FHIT: variants seen among roughly 807,000 people sequenced by gnomAD.
The protein encoded by FHIT is fragile histidine triad diadenosine triphosphatase.
In FHIT, 19 loss-of-function variants were observed where a neutral mutation model predicts 17.9. The ratio of observed to expected loss-of-function variants is 1.06; its 90% CI spans 0.74 to 1.56. The LOEUF is 1.56. Ranked by LOEUF, FHIT falls within the 40% of genes most tolerant of loss-of-function variation. The probability of loss-of-function intolerance (pLI) is 0.00; values close to 1 mark genes in which losing one functional copy is unlikely to be tolerated. For missense variants in FHIT, 248 were observed against 189.2 expected, an observed-to-expected ratio of 1.31 and a Z score of -1.82; for synonymous variants, 81 against 69.7, an observed-to-expected ratio of 1.16 and a Z score of -0.81.
rs563902357 is a variant in FHIT, at chr3:60,091,222, CTT to C, written c.104-77072_104-77071del. The stretch of plus-strand genomic sequence containing the variant: ...ACAGTTTTATTCTTAAGAGCTCACT[CTT>C]TCTGAACTCTCCTAAAGCCCATCCA... On this transcript the variant is annotated intron_variant, in intron 5 of 9. Coordinates refer to ENST00000492590, the MANE Select transcript of FHIT (RefSeq NM_002012.4). 1.3e-4 allele frequency among the ~76,000 whole-genome samples: 20 copies of C among 152,326 alleles called. No homozygotes were observed. In the South Asian group the frequency reaches 2.7e-3, roughly 21 times the overall value.
At chr3:60,372,121 T>C (rs916295241) in intron 5 of FHIT, among the ~76,000 whole-genome samples, 2 of 152,290 alleles carry the variant, frequency 1.3e-5, no homozygotes, top group African/African-American at 4.8e-5. Context: ...TTTACCCAAA[T>C]GGTCTCTGAA....
At chr3:60,310,803 T>C (rs79674623) in intron 5 of FHIT, among the ~76,000 whole-genome samples, 1,861 of 152,292 alleles carry the variant, frequency 0.012, 39 homozygotes, top group African/African-American at 0.042. Flanking sequence ...AAGAATTAGA[T>C]GAGTACAGGG....
chr3:61,003,038 G>A (rs996146388), intron 3 of FHIT, among the ~76,000 whole-genome samples: 4 of 152,182 alleles, frequency 2.6e-5, no homozygotes, highest in South Asian at 2.1e-4. Flanking sequence ...GTTGTAGTTC[G>A]TGCCTATCAA....
intron 2 of FHIT, among the ~76,000 whole-genome samples, chr3:61,078,436 T>C (rs918234788): frequency 3.9e-5 from 6 of 152,226 alleles, no homozygotes; most frequent in East Asian, 1.9e-4. Context: ...AGGGGGGCCT[T>C]ACCCATTCTC....
chr3:60,832,159 A>G (rs1348733029), intron 3 of FHIT, among the ~76,000 whole-genome samples: 1 of 152,108 alleles, frequency 6.6e-6, no homozygotes, highest in Admixed American at 6.5e-5. Context: ...AAAGTATGCA[A>G]TCTTCACAAT....
intron 5 of FHIT, among the ~76,000 whole-genome samples, chr3:60,178,282 A>G (rs1286753484): frequency 6.6e-6 from 1 of 152,096 alleles, no homozygotes; most frequent in Non-Finnish European, 1.5e-5. Flanking sequence ...GAAAACTATC[A>G]TTATTATAAA....
chr3:59,762,599 T>C (rs1481988614), intron 8 of FHIT, among the ~76,000 whole-genome samples: 1 of 152,164 alleles, frequency 6.6e-6, no homozygotes, highest in East Asian at 1.9e-4. Flanking sequence ...TCTGATCCAC[T>C]CTATAAATTC....
intron 5 of FHIT, among the ~76,000 whole-genome samples, chr3:60,403,908 T>A (rs1306668504): frequency 6.6e-6 from 1 of 152,188 alleles, no homozygotes; most frequent in Non-Finnish European, 1.5e-5. Flanking sequence ...CTCTTGTCAG[T>A]GTTTTCAGCA....
chr3:61,209,628 T>A (rs4605537), intron 1 of FHIT, among the ~76,000 whole-genome samples: 65,797 of 152,056 alleles, frequency 0.43, 14,632 homozygotes, highest in East Asian at 0.58. Context: ...TGTGCGTTCG[T>A]CACGTGGTTC....
chr3:60,297,899 C>A (rs1437329543), intron 5 of FHIT, among the ~76,000 whole-genome samples: 3 of 152,094 alleles, frequency 2.0e-5, no homozygotes, highest in Non-Finnish European at 4.4e-5. Flanking sequence ...TTGTGTACCC[C>A]AGGCTGTGAA....
intron 5 of FHIT, among the ~76,000 whole-genome samples, chr3:60,144,458 G>A (rs1236438716): frequency 2.6e-5 from 4 of 152,142 alleles, no homozygotes; most frequent in Admixed American, 2.0e-4. Flanking sequence ...GAGACTGAGG[G>A]ACCTGGCTAT....
intron 4 of FHIT, among the ~76,000 whole-genome samples, chr3:60,672,813 A>G (rs895466542): frequency 2.7e-5 from 4 of 150,344 alleles, no homozygotes; most frequent in African/African-American, 9.8e-5. Context: ...GTTAAAATGC[A>G]TATTTCTAAA....
At chr3:60,887,808 C>G (rs544292617) in intron 3 of FHIT, among the ~76,000 whole-genome samples, 1 of 152,182 alleles carries the variant, frequency 6.6e-6, no homozygotes, top group African/African-American at 2.4e-5. Flanking sequence ...AGGAGACAAG[C>G]AAAGACTATT....
intron 5 of FHIT, among the ~76,000 whole-genome samples, chr3:60,150,519 CTA>C (rs1469929655): frequency 6.6e-6 from 1 of 152,156 alleles, no homozygotes; most frequent in Non-Finnish European, 1.5e-5. Context: ...CAGAGGCTCA[CTA>C]TGTTTTCCAG....
chr3:61,055,951 A>G (rs2034203211), intron 2 of FHIT, among the ~76,000 whole-genome samples: 1 of 152,216 alleles, frequency 6.6e-6, no homozygotes, highest in Admixed American at 6.5e-5. Flanking sequence ...CCATCATCTC[A>G]AGCATTTATC....
chr3:61,051,469 C>T (rs776619339), intron 2 of FHIT, among the ~76,000 whole-genome samples: 3 of 152,154 alleles, frequency 2.0e-5, no homozygotes, highest in Non-Finnish European at 2.9e-5. Flanking sequence ...AGGCTGATCT[C>T]GAACTCTAGC....
intron 4 of FHIT, among the ~76,000 whole-genome samples, chr3:60,609,547 G>T (rs985475514): frequency 1.3e-5 from 2 of 152,008 alleles, no homozygotes; most frequent in African/African-American, 4.8e-5. Context: ...GACTGGTCTT[G>T]AACTCCTGAC....
chr3:60,895,377 A>C (rs1382859746), intron 3 of FHIT, among the ~76,000 whole-genome samples: 5 of 152,044 alleles, frequency 3.3e-5, no homozygotes, highest in African/African-American at 1.2e-4. Context: ...AGATTACCTC[A>C]CTGTATGTGT....
At chr3:60,314,334 C>T (rs1194025606) in intron 5 of FHIT, among the ~76,000 whole-genome samples, 1 of 152,118 alleles carries the variant, frequency 6.6e-6, no homozygotes, top group Non-Finnish European at 1.5e-5. Flanking sequence ...TCAGTAGTAT[C>T]AGAAGCCTTA....
Sources: allele counts gnomAD v4.1 joint callset (sites outside exome capture counted in the v4.1 genomes callset), GRCh38; gene constraint gnomAD v4.1.1; transcripts MANE v1.5; gene names NCBI Gene and HGNC (gene_info 2026-07-23, HGNC 2026-07-21).